The following KCNN2 variants were observed in gnomAD, a reference collection of about 807,000 sequenced individuals.
KCNN2 encodes the protein potassium calcium-activated channel subfamily N member 2, also known as small conductance calcium-activated potassium channel protein 2.
A neutral mutation model predicts 55.5 loss-of-function variants in KCNN2; 24 were observed. That is an observed-to-expected ratio of 0.43 (90% CI 0.31 to 0.61). The LOEUF is 0.61. Among genes scored for constraint, KCNN2 ranks in the 20% least tolerant of loss-of-function variants. The pLI is 0.08. For missense variants in KCNN2, 754 were observed against 853.6 expected, an observed-to-expected ratio of 0.88 and a Z score of 1.45; for synonymous variants, 431 against 336.1, an observed-to-expected ratio of 1.28 and a Z score of -3.09.
intron 2 of KCNN2, among the ~76,000 whole-genome samples, chr5:114,331,578 C>A (rs925195387): frequency 6.6e-6 from 1 of 152,168 alleles, no homozygotes; most frequent in Non-Finnish European, 1.5e-5. Context: ...TATGCAAATT[C>A]ATAGCATAAA....
At chr5:114,379,454 TATATTATATAACATATTATATATTTATAG>T (rs1413453820) in intron 2 of KCNN2, among the ~76,000 whole-genome samples, 7,782 of 133,290 alleles carry the variant, frequency 0.058, 535 homozygotes, top group South Asian at 0.084. Flanking sequence ...ATTTATAGAA[TATATTATATAACATATTATATATTTATAG>T]AATATATTAT....
At chr5:114,286,457 A>G (rs1375136016) in intron 2 of KCNN2, among the ~76,000 whole-genome samples, 2 of 152,164 alleles carry the variant, frequency 1.3e-5, no homozygotes, top group South Asian at 2.1e-4. Flanking sequence ...AAATAATTCG[A>G]TCATCCAGAG....
intron 2 of KCNN2, among the ~76,000 whole-genome samples, chr5:114,312,554 G>T (rs1756427500): frequency 6.7e-6 from 1 of 148,202 alleles, no homozygotes; most frequent in Admixed American, 6.9e-5. Context: ...TTCCAGAACA[G>T]TTTACTCTGC....
At chr5:114,152,137 C>G (rs1468081279) in intron 1 of KCNN2, among the ~76,000 whole-genome samples, 1 of 152,054 alleles carries the variant, frequency 6.6e-6, no homozygotes, top group East Asian at 1.9e-4. Flanking sequence ...ATAAAAATGT[C>G]TCATTATAGT....
intron 1 of KCNN2, among the ~76,000 whole-genome samples, chr5:114,214,923 G>C (rs1378289869): frequency 6.6e-6 from 1 of 152,042 alleles, no homozygotes; most frequent in African/African-American, 2.4e-5. Context: ...ATGTGGTTTT[G>C]GTAAGAAGAA....
intron 2 of KCNN2, among the ~76,000 whole-genome samples, chr5:114,314,295 T>G (rs1485663310): frequency 6.6e-6 from 1 of 152,154 alleles, no homozygotes; most frequent in Non-Finnish European, 1.5e-5. Flanking sequence ...GGAACATTTG[T>G]TTCAATTGAT....
At chr5:114,184,858 G>C (rs1341196662) in intron 1 of KCNN2, among the ~76,000 whole-genome samples, 1 of 152,088 alleles carries the variant, frequency 6.6e-6, no homozygotes. Flanking sequence ...TTTATAATAG[G>C]TACAGTATCA....
chr5:114,205,590 G>A (rs565880296), intron 1 of KCNN2, among the ~76,000 whole-genome samples: 4 of 152,162 alleles, frequency 2.6e-5, no homozygotes, highest in African/African-American at 9.6e-5. Flanking sequence ...AAATGTAAAT[G>A]AAATATTAAG....
chr5:114,217,476 C>G (rs1580628904), intron 1 of KCNN2, among the ~76,000 whole-genome samples: 1 of 152,032 alleles, frequency 6.6e-6, no homozygotes, highest in Middle Eastern at 3.4e-3. Context: ...CAAATATAGT[C>G]AAGGAGGAAA....
intron 3 of KCNN2, among the ~76,000 whole-genome samples, chr5:114,436,081 T>C (rs338661): frequency 0.99 from 150,435 of 152,322 alleles, 74,295 homozygotes; most frequent in East Asian, 1. Flanking sequence ...TTCACACCTC[T>C]GACTGTAATG....
intron 3 of KCNN2, among the ~76,000 whole-genome samples, chr5:114,436,962 G>C (rs548402560): frequency 6.6e-6 from 1 of 152,220 alleles, no homozygotes; most frequent in East Asian, 1.9e-4. Flanking sequence ...CTTTGAGCTA[G>C]AGGCTACCAT....
intron 2 of KCNN2, among the ~76,000 whole-genome samples, chr5:114,372,331 G>A (rs1435072477): frequency 6.6e-6 from 1 of 152,068 alleles, no homozygotes; most frequent in Non-Finnish European, 1.5e-5. Flanking sequence ...TTTTGTTGTT[G>A]AGCCATCTGC....
intron 1 of KCNN2, among the ~76,000 whole-genome samples, chr5:114,100,410 G>A (rs1006234006): frequency 2.0e-5 from 3 of 152,166 alleles, no homozygotes; most frequent in Non-Finnish European, 2.9e-5. Flanking sequence ...GGGTATGGGT[G>A]TAGTATTGCT....
At chr5:114,121,749 A>T (rs1229889305) in intron 1 of KCNN2, among the ~76,000 whole-genome samples, 1 of 152,140 alleles carries the variant, frequency 6.6e-6, no homozygotes, top group Non-Finnish European at 1.5e-5. Context: ...CGATGTGGTG[A>T]CATCATACTC....
chr5:114,337,095 TA>T (rs1365456700), intron 2 of KCNN2, among the ~76,000 whole-genome samples: 1 of 152,082 alleles, frequency 6.6e-6, no homozygotes, highest in African/African-American at 2.4e-5. Context: ...GCAAGAAAAC[TA>T]AGAAGTTGTT....
chr5:114,380,844 G>A lies in KCNN2; in HGVS notation c.1218+16843G>A, dbSNP rs373948829. ...TTCACTAATGCAGGCCGTTATTACAGTAGCACTTATCAGACTCTGTCTCTC... is the reference window on the plus strand; with the variant it reads ...TTCACTAATGCAGGCCGTTATTACAATAGCACTTATCAGACTCTGTCTCTC... On this transcript the variant is annotated intron_variant, in intron 2 of 7. Coordinates refer to ENST00000673685, the MANE Select transcript of KCNN2 (RefSeq NM_021614.4). 3.3e-5 allele frequency among the ~76,000 whole-genome samples: 5 copies of A among 152,148 alleles called. No individual in the cohort carries two copies. The East Asian group carries it at 9.6e-4, about 29-fold the overall frequency.
chr5:114,085,687 G>C (rs185663026), intron 1 of KCNN2, among the ~76,000 whole-genome samples: 5 of 151,812 alleles, frequency 3.3e-5, no homozygotes, highest in East Asian at 1.9e-4. Flanking sequence ...TAAATGTTTC[G>C]AGTGCACTTG....
At chr5:114,485,049 C>T (rs1027586653) in intron 5 of KCNN2, among the ~76,000 whole-genome samples, 2 of 152,136 alleles carry the variant, frequency 1.3e-5, no homozygotes, top group Admixed American at 1.3e-4. Flanking sequence ...TAAAATGCAT[C>T]GGTCACCTTT....
At chr5:114,129,008 A>G (rs533463373) in intron 1 of KCNN2, among the ~76,000 whole-genome samples, 1 of 152,344 alleles carries the variant, frequency 6.6e-6, no homozygotes, top group Non-Finnish European at 1.5e-5. Context: ...TAGGATAATT[A>G]TAGGAGGATT....
Sources: gnomAD v4.1 joint callset for allele counts (sites outside exome capture counted in the v4.1 genomes callset) on GRCh38, gnomAD v4.1.1 for gene constraint, MANE v1.5 for transcripts, NCBI Gene and HGNC (gene_info 2026-07-23, HGNC 2026-07-21) for gene names.